Variants in PCYT2 observed in about 807,000 individuals in gnomAD.
PCYT2 encodes ethanolamine-phosphate cytidylyltransferase.
PCYT2 carries 33 observed loss-of-function variants against 50.0 expected under a neutral mutation model. The ratio of observed to expected loss-of-function variants is 0.66; its 90% CI spans 0.50 to 0.88. The LOEUF is 0.88. PCYT2 is among the 40% of genes least tolerant of loss of function. The pLI is 0.00. For synonymous variants in PCYT2, 240 were observed against 203.7 expected, an observed-to-expected ratio of 1.18 and a Z score of -1.52; for missense variants, 430 against 519.7, an observed-to-expected ratio of 0.83 and a Z score of 1.68.
intron 1 of PCYT2, chr17:81,910,995 C>T: frequency 1.0e-6 from 1 of 994,076 alleles, no homozygotes; most frequent in South Asian, 4.7e-5. Context: ...GAGGCCGTGG[C>T]TCCAGATCTC....
At chr17:81,908,748 G>T in intron 3 of PCYT2, 114 bp from the exon 4 acceptor site, 1 of 1,323,744 alleles carries the variant, frequency 7.6e-7, no homozygotes, top group Non-Finnish European at 1.1e-6. Context: ...CCATTTCTAG[G>T]TGGGGGCCCG....
rs1321011446 is a variant in PCYT2 at position 81,901,526 on chromosome 17, C to G, written c.*3307G>C. The G allele has an allele frequency of 1.3e-5, 2 of 152,294 alleles. No individual in the cohort carries two copies. Among genetic ancestry groups the G allele is most frequent in the Non-Finnish European group, 2.9e-5 (2 of 68,086 alleles). The allele number at this position is 152,294 out of a possible 1,614,324, so 9.4% of individuals were successfully genotyped here. On this transcript the variant is annotated 3_prime_UTR_variant, in exon 13 of 13. Coordinates refer to ENST00000538936, the MANE Select transcript of PCYT2 (RefSeq NM_002861.5). ...GCCAGTGCCTGTCCTGGGAAGATAC[C>G]CAAGAGAAGACATGACCAGGACCTT...
intron 1 of PCYT2, 39 bp from the exon 2 acceptor site, chr17:81,909,641 G>A: frequency 6.6e-7 from 1 of 1,508,798 alleles, no homozygotes; most frequent in Non-Finnish European, 9.2e-7. Flanking sequence ...CTGTGCCAAG[G>A]GTGGGGACCA....
At position 81,902,802 on chromosome 17, in the gene PCYT2, G is replaced by A. The variant is rs866685345; in HGVS notation, c.*2031C>T. The A allele has an allele frequency of 6.5e-6, 10 of 1,529,774 alleles. 1 individual carries two copies. The Middle Eastern group carries it at 1.1e-3, about 163-fold the overall frequency. The allele number at this position is 1,529,774 out of a possible 1,614,324, so 94.8% of individuals were successfully genotyped here. On this transcript the variant is annotated 3_prime_UTR_variant, in exon 13 of 13. Coordinates refer to ENST00000538936, the MANE Select transcript of PCYT2 (RefSeq NM_002861.5). ...GCCCCCCGCCCCCACCGTCCCACTCGGTGACCCCAGGCCCCTCCGGCGCGG... is the reference window on the plus strand; with the variant it reads ...GCCCCCCGCCCCCACCGTCCCACTCAGTGACCCCAGGCCCCTCCGGCGCGG...
Position 81,902,308 on chromosome 17 carries a change from G to A in PCYT2, c.*2525C>T, listed in dbSNP as rs756603923. The A allele has an allele frequency of 2.7e-3, 3,562 of 1,326,850 alleles. 18 individuals are homozygous for A. The highest frequency in any genetic ancestry group is 2.5e-3 in the Non-Finnish European group (2,625 of 1,045,264). 82.2% of individuals were successfully genotyped at this position (1,326,850 alleles called of 1,614,324 possible). A position where few individuals can be genotyped will look rare whatever the true frequency, so the allele number is the denominator to read the frequency against. ...CCGGTCCGCGACACTGGCGGCCGCC[G>A]CCCTGGCGCTGTGCCTGCTGCTGGC... On this transcript the variant is annotated 3_prime_UTR_variant, in exon 13 of 13. Transcript: ENST00000538936.
chr17:81,907,959 C>A (rs1162992590), intron 4 of PCYT2, 102 bp from the exon 5 acceptor site: 5 of 917,954 alleles, frequency 5.4e-6, no homozygotes, highest in Non-Finnish European at 8.3e-6. Context: ...TGTGGCAGAA[C>A]CCACGGCTGC....
intron 6 of PCYT2, 58 bp downstream of exon 6, chr17:81,907,496 T>G: frequency 4.6e-6 from 7 of 1,536,748 alleles, no homozygotes; most frequent in Non-Finnish European, 6.2e-6. Context: ...CTGGGACAGG[T>G]GGCCGGGGGA....
intron 8 of PCYT2, 41 bp from the exon 9 acceptor site, chr17:81,906,218 G>C: frequency 6.5e-7 from 1 of 1,542,032 alleles, no homozygotes; most frequent in South Asian, 1.2e-5. Flanking sequence ...GAGACTTTTT[G>C]GGGGGACAGG....
At chr17:81,906,333 C>A in intron 8 of PCYT2, 131 bp downstream of exon 8, 1 of 1,122,686 alleles carries the variant, frequency 8.9e-7, no homozygotes, top group Non-Finnish European at 1.3e-6. Flanking sequence ...AGCCTACGAT[C>A]ACCCCCCAGG....
At chr17:81,906,406 A>G (rs2040268209) in intron 8 of PCYT2, 58 bp downstream of exon 8, 1 of 1,511,212 alleles carries the variant, frequency 6.6e-7, no homozygotes, top group Non-Finnish European at 9.2e-7. Flanking sequence ...AGCAACGCTT[A>G]GGGCCCCTCG....
In PCYT2 at chr17:81,901,036, C is replaced by T. The variant is rs1255337913; in HGVS notation, c.*3797G>A. Reference sequence around the variant, plus strand: ...GTGAAGTCCCACAATAAGCCATGTGCAAGGTGAGGAGCAAGGAAGCCAGTC... The same window carrying T: ...GTGAAGTCCCACAATAAGCCATGTGTAAGGTGAGGAGCAAGGAAGCCAGTC... On this transcript the variant is annotated 3_prime_UTR_variant, in exon 13 of 13. Coordinates refer to ENST00000538936, the MANE Select transcript of PCYT2 (RefSeq NM_002861.5). The T allele has an allele frequency of 1.3e-5, 2 of 152,156 alleles. No homozygotes were observed. The highest frequency in any genetic ancestry group is 4.8e-5 in the African/African-American group (2 of 41,430). 9.4% of individuals were successfully genotyped at this position (152,156 alleles called of 1,614,324 possible).
In PCYT2 at chr17:81,902,128, C is replaced by T. The variant is rs912784191; in HGVS notation, c.*2705G>A. 8 of 664,812 alleles carry T rather than the reference C, an allele frequency of 1.2e-5. No homozygotes were observed. The highest frequency in any genetic ancestry group is 1.6e-5 in the Non-Finnish European group (8 of 489,914). The allele number at this position is 664,812 out of a possible 1,614,324, so 41.2% of individuals were successfully genotyped here. ...TTTGGGATGCGGAGGTGCGACGGCT[C>T]CTCCGCGCGCGCCCGCTGCACCCCA... On this transcript the variant is annotated 3_prime_UTR_variant, in exon 13 of 13. Coordinates refer to ENST00000538936, the MANE Select transcript of PCYT2 (RefSeq NM_002861.5).
rs532885259 is a variant in PCYT2 at position 81,902,268 on chromosome 17, C to G, written c.*2565G>C. ...CGGACGCCGCCGCCCACCAGTCAGC[C>G]GGCGTCCCCATGGCCCGGTCCGCGA... On this transcript the variant is annotated 3_prime_UTR_variant, in exon 13 of 13. Coordinates refer to ENST00000538936, the MANE Select transcript of PCYT2 (RefSeq NM_002861.5). 108 of 1,251,072 alleles carry G rather than the reference C, an allele frequency of 8.6e-5. No homozygotes were observed. The highest frequency in any genetic ancestry group is 5.3e-4 in the African/African-American group (34 of 63,948). The allele number at this position is 1,251,072 out of a possible 1,614,324, so 77.5% of individuals were successfully genotyped here.
chr17:81,909,595 T>C lies in PCYT2; in HGVS notation c.97A>G (p.Met33Val). The change falls in exon 2 of 13, where the codon ATG becomes GTG. Residue 33 changes from methionine to valine, a missense_variant. This residue lies in a region of PCYT2 where 117 missense variants were observed against 163.9 expected (regional missense o/e 0.71). Transcript: ENST00000538936. ...VRVWCDGCYD[M>V]VHYGHSNQLR... is the part of the protein sequence containing the mutation. ...TGGTTGGAGTGGCCGTAATGCACCA[T>C]GTCATAGCTGTGGAGACAGAGAGAG... 1 of 1,613,150 alleles carries C rather than the reference T, an allele frequency of 6.2e-7. No individual in the cohort carries two copies. Among genetic ancestry groups the C allele is most frequent in the Non-Finnish European group, 8.5e-7 (1 of 1,179,312 alleles).
chr17:81,906,279 G>A (rs903834708), intron 8 of PCYT2, 102 bp from the exon 9 acceptor site: 1 of 1,184,140 alleles, frequency 8.4e-7, no homozygotes, highest in Non-Finnish European at 1.2e-6. Flanking sequence ...GAGGTTGCTC[G>A]CCCTTGTGGG....
chr17:81,910,059 A>C (rs2040495107), intron 1 of PCYT2, among the ~76,000 whole-genome samples: 1 of 152,224 alleles, frequency 6.6e-6, no homozygotes, highest in African/African-American at 2.4e-5. Context: ...AAACAAATCC[A>C]ACCACAAAAT....
intron 1 of PCYT2, 27 bp downstream of exon 1, chr17:81,911,240 C>G (rs1237555802): frequency 6.8e-6 from 7 of 1,032,900 alleles, no homozygotes; most frequent in Non-Finnish European, 8.1e-6. Flanking sequence ...CCGGCGCCCC[C>G]GCGGCCCGCC....
chr17:81,909,262 C>A, intron 2 of PCYT2: 5 of 1,430,572 alleles, frequency 3.5e-6, no homozygotes, highest in Non-Finnish European at 2.7e-6. Flanking sequence ...AGGTGCTCAG[C>A]CCCTGAAGGC....
chr17:81,906,228 G>A, intron 8 of PCYT2, 51 bp from the exon 9 acceptor site: 1 of 1,468,344 alleles, frequency 6.8e-7, no homozygotes, highest in Non-Finnish European at 9.4e-7. Flanking sequence ...GGGGGGACAG[G>A]GTGTGCCCCT....
Sources: allele counts gnomAD v4.1 joint callset (sites outside exome capture counted in the v4.1 genomes callset), GRCh38; gene constraint gnomAD v4.1.1; regional missense constraint gnomAD v4.1.1; transcripts MANE v1.5; gene names NCBI Gene and HGNC (gene_info 2026-07-23, HGNC 2026-07-21).